SOAT1: variants seen among roughly 807,000 people sequenced by gnomAD.
The protein encoded by SOAT1 is acyl-coenzyme A:cholesterol acyltransferase 1.
SOAT1 carries 55 observed loss-of-function variants against 69.5 expected under a neutral mutation model. The ratio of observed to expected loss-of-function variants is 0.79; its 90% confidence interval spans 0.64 to 0.99. The LOEUF (loss-of-function observed/expected upper bound fraction) is 0.99, where lower values mean the gene tolerates loss of function less well. SOAT1 is among the 50% of genes least tolerant of loss of function. The pLI is 0.00. For missense variants in SOAT1, 580 were observed against 669.3 expected (o/e 0.87, Z 1.47); for synonymous variants, 231 against 224.7 (o/e 1.03, Z -0.25).
intron 3 of SOAT1, among the ~76,000 whole-genome samples, chr1:179,331,873 T>G (rs548724175): frequency 7.9e-5 from 12 of 152,120 alleles, no homozygotes; most frequent in Non-Finnish European, 1.8e-4. Context: ...CCACCAAGAT[T>G]AAAAGATTCT....
intron 3 of SOAT1, among the ~76,000 whole-genome samples, chr1:179,334,594 T>A (rs1311385204): frequency 1.3e-5 from 2 of 152,220 alleles, no homozygotes; most frequent in African/African-American, 4.8e-5. Flanking sequence ...TACTCACATA[T>A]GAATGTTACT....
chr1:179,304,356 C>A (rs997180906), intron 2 of SOAT1, among the ~76,000 whole-genome samples: 1 of 151,244 alleles, frequency 6.6e-6, no homozygotes, highest in African/African-American at 2.4e-5. Flanking sequence ...TGGCTTACTG[C>A]AACCTCTGCC....
rs1240508587 is a variant in SOAT1, at chr1:179,339,496, A to C, written c.448A>C (p.Ile150Leu). 3.1e-6 allele frequency: 5 copies of C among 1,613,198 alleles called. No homozygotes were observed. In the Admixed American group the frequency reaches 8.4e-5, roughly 27 times the overall value. ...ATATCACATGTTTATTGCCCTCCTC[A>C]TTCTCTTTATCCTCAGCACACTTGT... ...TIYHMFIALL[I>L]LFILSTLVVD... is the part of the protein sequence containing the mutation. The change falls in exon 6 of 16, where the codon ATT (isoleucine) becomes CTT (leucine). Residue 150 changes from isoleucine (I) to leucine (L), a missense_variant. Transcript: ENST00000367619.
At chr1:179,343,785 A>G (rs1172877202) in intron 10 of SOAT1, 150 bp downstream of exon 10, 2 of 614,996 alleles carry the variant, frequency 3.3e-6, no homozygotes. Context: ...AGTACGGTAA[A>G]TGGTGTTTGT....
At chr1:179,331,725 A>G (rs1401580859) in intron 3 of SOAT1, among the ~76,000 whole-genome samples, 1 of 152,216 alleles carries the variant, frequency 6.6e-6, no homozygotes, top group East Asian at 1.9e-4. Context: ...ATTCAGTAAG[A>G]GAGAATAGAA....
At chr1:179,297,045 T>C (rs1664673815) in intron 1 of SOAT1, among the ~76,000 whole-genome samples, 1 of 152,214 alleles carries the variant, frequency 6.6e-6, no homozygotes, top group South Asian at 2.1e-4. Context: ...CCTGTGACTT[T>C]GAACAAGTTT....
At position 179,295,966 on chromosome 1, in the gene SOAT1, A is replaced by ATT. The variant is rs58893158; in HGVS notation, c.-9+2064_-9+2065dup. Among the ~76,000 whole-genome samples, 64 of 52,018 alleles carry ATT rather than the reference A, an allele frequency of 1.2e-3. 4 individuals are homozygous for ATT. Among genetic ancestry groups the ATT allele is most frequent in the African/African-American group, 4.8e-3 (55 of 11,528 alleles). The allele number at this position is 52,018 out of a possible 152,430, so 34.1% of individuals were successfully genotyped here. A position where few individuals can be genotyped will look rare whatever the true frequency, so the allele number is the denominator to read the frequency against. On this transcript the variant is annotated intron_variant, in intron 1 of 15. Coordinates refer to ENST00000367619, the MANE Select transcript of SOAT1 (RefSeq NM_003101.6). Reference sequence around the variant, plus strand: ...GGGCATGTGCTACCACGCCCGGCTAATTTTTTTTTTTTTTTTTTTTTTTTT... The same window carrying ATT: ...GGGCATGTGCTACCACGCCCGGCTAATTTTTTTTTTTTTTTTTTTTTTTTTTT...
At chr1:179,332,062 C>T (rs529011380) in intron 3 of SOAT1, among the ~76,000 whole-genome samples, 1 of 151,864 alleles carries the variant, frequency 6.6e-6, no homozygotes, top group East Asian at 1.9e-4. Flanking sequence ...TTGTTTTTTT[C>T]TTTCAGCATA....
chr1:179,343,442 G>T, intron 9 of SOAT1, 148 bp from the exon 10 acceptor site: 1 of 574,922 alleles, frequency 1.7e-6, no homozygotes, highest in Non-Finnish European at 3.1e-6. Flanking sequence ...GGCCAGGCTG[G>T]TCTCGAACTC....
intron 15 of SOAT1, 46 bp downstream of exon 15, chr1:179,351,508 C>T: frequency 6.3e-7 from 1 of 1,594,622 alleles, no homozygotes; most frequent in South Asian, 1.1e-5. Flanking sequence ...TGTTTATTCT[C>T]TGTTTGTGAG....
intron 3 of SOAT1, among the ~76,000 whole-genome samples, chr1:179,329,568 A>G (rs1458164190): frequency 6.6e-6 from 1 of 151,828 alleles, no homozygotes; most frequent in Non-Finnish European, 1.5e-5. Flanking sequence ...AAATACAACA[A>G]AAATTAGGCG....
Position 179,341,236 on chromosome 1 carries a change from G to A in SOAT1, c.706G>A (p.Gly236Ser). 6.2e-7 allele frequency: 1 copy of A among 1,614,092 alleles called. No homozygotes were observed. The highest frequency in any genetic ancestry group is 1.1e-5 in the South Asian group (1 of 91,080). ...CATGATCTTCCAGATTGGAGTTCTAGGTTTTGGACCAACATATGTTGTGTT... is the reference window on the plus strand; with the variant it reads ...CATGATCTTCCAGATTGGAGTTCTAAGTTTTGGACCAACATATGTTGTGTT... ...LFMIFQIGVL[G>S]FGPTYVVLAY... Residue 236 changes from glycine (G) to serine (S), a missense_variant, in exon 7 of 16, where the codon GGT becomes AGT. Gly to Ser is a moderately conservative substitution (Grantham distance 56). Transcript: ENST00000367619.
intron 2 of SOAT1, among the ~76,000 whole-genome samples, chr1:179,319,003 C>T (rs1003414876): frequency 3.3e-5 from 5 of 152,046 alleles, no homozygotes; most frequent in South Asian, 2.1e-4. Context: ...TTTAATCTGT[C>T]GAGGAACTTC....
At chr1:179,326,957 G>T (rs1302000644) in intron 3 of SOAT1, among the ~76,000 whole-genome samples, 1 of 152,172 alleles carries the variant, frequency 6.6e-6, no homozygotes, top group Non-Finnish European at 1.5e-5. Flanking sequence ...AATAGACAGG[G>T]AGCTATTGTA....
intron 3 of SOAT1, among the ~76,000 whole-genome samples, chr1:179,328,454 C>T (rs1665860705): frequency 6.6e-6 from 1 of 152,198 alleles, no homozygotes; most frequent in Non-Finnish European, 1.5e-5. Context: ...AAAGTTCCCA[C>T]TCACTTTCTT....
chr1:179,322,536 A>G (rs1665637937), intron 2 of SOAT1, among the ~76,000 whole-genome samples: 2 of 151,792 alleles, frequency 1.3e-5, no homozygotes, highest in East Asian at 1.9e-4. Flanking sequence ...TCTTCTTTTT[A>G]TGGTAACTTT....
intron 2 of SOAT1, among the ~76,000 whole-genome samples, chr1:179,312,646 GC>G (rs529146138): frequency 1.9e-4 from 29 of 152,144 alleles, no homozygotes; most frequent in Non-Finnish European, 3.2e-4. Flanking sequence ...GGTAGGCTTG[GC>G]CAGTGGGAGA....
chr1:179,302,931 G>T (rs901280444), intron 2 of SOAT1, 129 bp downstream of exon 2: 3 of 507,300 alleles, frequency 5.9e-6, no homozygotes, highest in Admixed American at 3.5e-5. Context: ...TATATGTCTA[G>T]TAACAAAGCA....
Position 179,344,945 on chromosome 1 carries a change from A to G in SOAT1, c.988-2A>G. Reference sequence around the variant, plus strand: ...TATAATTCTGTCTCTGTTATGTTCCAGGTCTTTGGTTGCTTTTTCTATGTG... The same window carrying G: ...TATAATTCTGTCTCTGTTATGTTCCGGGTCTTTGGTTGCTTTTTCTATGTG... On this transcript the variant is annotated splice_acceptor_variant, in intron 10 of 15. Transcript: ENST00000367619. LOFTEE classifies it high-confidence loss of function. 6.2e-7 allele frequency: 1 copy of G among 1,613,784 alleles called. No homozygotes were observed. The highest frequency in any genetic ancestry group is 8.5e-7 in the Non-Finnish European group (1 of 1,179,866).
Sources: gnomAD v4.1 joint callset for allele counts (sites outside exome capture counted in the v4.1 genomes callset) on GRCh38, gnomAD v4.1.1 for gene constraint, MANE v1.5 for transcripts, NCBI Gene and HGNC (gene_info 2026-07-23, HGNC 2026-07-21) for gene names.